Variants in FAM149B1 observed in about 807,000 individuals in gnomAD.
FAM149B1 encodes primary cilium assembly protein FAM149B1.
A neutral mutation model predicts 75.3 loss-of-function variants in FAM149B1; 56 were observed. That is an observed-to-expected ratio of 0.74 (90% CI 0.60 to 0.93). The LOEUF is 0.93. Among genes scored for constraint, FAM149B1 ranks in the 40% least tolerant of loss-of-function variants. The pLI is 0.00. For synonymous variants in FAM149B1, 259 were observed against 256.1 expected, an observed-to-expected ratio of 1.01 and a Z score of -0.11; for missense variants, 639 against 708.4, an observed-to-expected ratio of 0.90 and a Z score of 1.11.
At position 73,243,575 on chromosome 10, in the gene FAM149B1, C is replaced by A; in HGVS notation, c.*2556C>A. ...CAACATTATCCATAGACAGAAAGTACCTAGTGGTTGCCAGGGGCTGGAAAA... is the reference window on the plus strand; with the variant it reads ...CAACATTATCCATAGACAGAAAGTAACTAGTGGTTGCCAGGGGCTGGAAAA... On this transcript the variant is annotated 3_prime_UTR_variant, in exon 14 of 14. Coordinates refer to ENST00000242505, the MANE Select transcript of FAM149B1 (RefSeq NM_173348.2). The A allele has an allele frequency of 6.2e-7, 1 of 1,600,294 alleles. No individual in the cohort carries two copies. Among genetic ancestry groups the A allele is most frequent in the Middle Eastern group, 1.7e-4 (1 of 5,980 alleles).
chr10:73,199,390 T>C (rs1282768321), intron 5 of FAM149B1, among the ~76,000 whole-genome samples: 1 of 151,990 alleles, frequency 6.6e-6, no homozygotes, highest in Admixed American at 6.6e-5. Flanking sequence ...GCTAATTTTT[T>C]GTATTTTTAG....
At position 73,192,542 on chromosome 10, in the gene FAM149B1, A is replaced by G. The variant is rs1357586821; in HGVS notation, c.283-14A>G. 1 of 1,548,916 alleles carries G rather than the reference A, an allele frequency of 6.5e-7. No homozygotes were observed. Among genetic ancestry groups the G allele is most frequent in the African/African-American group, 1.4e-5 (1 of 72,910 alleles). Reference sequence around the variant, plus strand: ...CAGCTCACCTAAATATTTGGGGGGAATATTTTCTTCTAGGAACTCGATCAA... The same window carrying G: ...CAGCTCACCTAAATATTTGGGGGGAGTATTTTCTTCTAGGAACTCGATCAA... On this transcript the variant is annotated splice_polypyrimidine_tract_variant and intron_variant, in intron 3 of 13. Transcript: ENST00000242505.
At position 73,241,166 on chromosome 10, in the gene FAM149B1, A is replaced by G; in HGVS notation, c.*147A>G. On this transcript the variant is annotated 3_prime_UTR_variant, in exon 14 of 14. Transcript: ENST00000242505. ...ATTTTGGCACAAGTGACCGAAGAAC[A>G]AAACACCATAGCAGCCAAAAATGAC... 3.2e-6 allele frequency: 2 copies of G among 633,686 alleles called. No homozygotes were observed. Among genetic ancestry groups the G allele is most frequent in the South Asian group, 3.5e-5 (2 of 57,636 alleles). The allele number at this position is 633,686 out of a possible 1,614,324, so 39.3% of individuals were successfully genotyped here.
intron 12 of FAM149B1, among the ~76,000 whole-genome samples, chr10:73,238,000 C>T (rs553526950): frequency 2.4e-4 from 37 of 152,262 alleles, no homozygotes; most frequent in African/African-American, 7.2e-4. Flanking sequence ...CCATTTCTCT[C>T]CCCATTTGCT....
chr10:73,243,172 G>A lies in FAM149B1; in HGVS notation c.*2153G>A. The A allele has an allele frequency of 2.0e-6, 1 of 493,316 alleles. No individual in the cohort carries two copies. Among genetic ancestry groups the A allele is most frequent in the Non-Finnish European group, 3.6e-6 (1 of 276,158 alleles). 30.6% of individuals were successfully genotyped at this position (493,316 alleles called of 1,614,324 possible). On this transcript the variant is annotated 3_prime_UTR_variant, in exon 14 of 14. Coordinates refer to ENST00000242505, the MANE Select transcript of FAM149B1 (RefSeq NM_173348.2). ...ACTGCCTCCCTCCACCCTCCCAAAT[G>A]TCACCACCAAGTTCCTTCAGGTGAG...
chr10:73,202,887 G>A (rs952380356), intron 5 of FAM149B1, among the ~76,000 whole-genome samples: 1 of 151,848 alleles, frequency 6.6e-6, no homozygotes, highest in South Asian at 2.1e-4. Flanking sequence ...ACAGGATTTC[G>A]CCTTTTGCCC....
chr10:73,241,351 G>A lies in FAM149B1; in HGVS notation c.*332G>A. 3.3e-6 allele frequency: 1 copy of A among 302,360 alleles called. No homozygotes were observed. The highest frequency in any genetic ancestry group is 6.4e-6 in the Non-Finnish European group (1 of 156,166). The allele number at this position is 302,360 out of a possible 1,614,324, so 18.7% of individuals were successfully genotyped here. A position where few individuals can be genotyped will look rare whatever the true frequency, so the allele number is the denominator to read the frequency against. ...TGATCAGTTCAATCATATAGGATTT[G>A]ATGAGCTCACACATACACAAAAAGC... is the stretch of plus-strand genomic sequence containing the variant. On this transcript the variant is annotated 3_prime_UTR_variant, in exon 14 of 14. Coordinates refer to ENST00000242505, the MANE Select transcript of FAM149B1 (RefSeq NM_173348.2).
intron 12 of FAM149B1, among the ~76,000 whole-genome samples, chr10:73,237,354 T>C (rs541457845): frequency 2.0e-5 from 3 of 152,336 alleles, no homozygotes; most frequent in Non-Finnish European, 1.5e-5. Context: ...TGCCTTCTTA[T>C]AATCTGACAC....
chr10:73,201,508 T>C (rs1404017028), intron 5 of FAM149B1, among the ~76,000 whole-genome samples: 1 of 152,176 alleles, frequency 6.6e-6, no homozygotes, highest in African/African-American at 2.4e-5. Flanking sequence ...TCTGTAGAAA[T>C]GGTAGTATTA....
intron 12 of FAM149B1, among the ~76,000 whole-genome samples, chr10:73,238,340 ACT>A (rs1377475457): frequency 1.3e-5 from 2 of 151,724 alleles, no homozygotes; most frequent in Non-Finnish European, 2.9e-5. Context: ...GAGCGAGAAG[ACT>A]CTGTCCCCCC....
chr10:73,195,515 A>G (rs748990365), intron 5 of FAM149B1, among the ~76,000 whole-genome samples: 1 of 152,202 alleles, frequency 6.6e-6, no homozygotes, highest in Admixed American at 6.5e-5. Context: ...ATATTCTGTT[A>G]TTAGGATATA....
intron 7 of FAM149B1, among the ~76,000 whole-genome samples, chr10:73,211,608 T>C (rs2043187155): frequency 2.6e-5 from 4 of 152,194 alleles, no homozygotes; most frequent in Non-Finnish European, 5.9e-5. Context: ...TATTTGAGAA[T>C]GAGTAGATCG....
chr10:73,184,905 T>C (rs1215665480), intron 3 of FAM149B1, among the ~76,000 whole-genome samples: 1 of 151,956 alleles, frequency 6.6e-6, no homozygotes, highest in Non-Finnish European at 1.5e-5. Flanking sequence ...ACAGATAAGA[T>C]AGAAATTAAT....
Position 73,243,651 on chromosome 10 carries a change from C to G in FAM149B1, c.*2632C>G. On this transcript the variant is annotated 3_prime_UTR_variant, in exon 14 of 14. Transcript: ENST00000242505. Reference sequence around the variant, plus strand: ...AGTTTTTTTGGAATGGTGAAAATGTCCTACAATTGGTGTTAATAATTGTAA... The same window carrying G: ...AGTTTTTTTGGAATGGTGAAAATGTGCTACAATTGGTGTTAATAATTGTAA... 1 of 1,259,292 alleles carries G rather than the reference C, an allele frequency of 7.9e-7. No individual in the cohort carries two copies. Among genetic ancestry groups the G allele is most frequent in the Non-Finnish European group, 1.1e-6 (1 of 901,334 alleles). 78.0% of individuals were successfully genotyped at this position (1,259,292 alleles called of 1,614,324 possible).
intron 3 of FAM149B1, among the ~76,000 whole-genome samples, chr10:73,179,843 T>C (rs2042355417): frequency 6.6e-6 from 1 of 152,186 alleles, no homozygotes; most frequent in Admixed American, 6.5e-5. Context: ...TCATTTTATA[T>C]AGACATTTAC....
At chr10:73,228,514 G>A (rs1033899076) in intron 8 of FAM149B1, among the ~76,000 whole-genome samples, 14 of 152,116 alleles carry the variant, frequency 9.2e-5, no homozygotes, top group African/African-American at 3.1e-4. Context: ...GATTCTCTAT[G>A]GCCTTGACAT....
chr10:73,193,035 G>GA (rs1331886114), intron 4 of FAM149B1, among the ~76,000 whole-genome samples: 1 of 152,180 alleles, frequency 6.6e-6, no homozygotes, highest in Non-Finnish European at 1.5e-5. Flanking sequence ...ATGTATACTT[G>GA]AAACCAGACA....
chr10:73,216,110 G>C (rs1183245953), intron 7 of FAM149B1, among the ~76,000 whole-genome samples: 2 of 148,936 alleles, frequency 1.3e-5, no homozygotes, highest in African/African-American at 5.0e-5. Flanking sequence ...ATTTAGGATT[G>C]TTACATCTTG....
At chr10:73,226,984 ACT>A (rs2043568274) in intron 7 of FAM149B1, among the ~76,000 whole-genome samples, 1 of 152,104 alleles carries the variant, frequency 6.6e-6, no homozygotes, top group Non-Finnish European at 1.5e-5. Context: ...AGTATATAAA[ACT>A]CTGGTGAAAT....
Sources: gnomAD v4.1 joint callset for allele counts (sites outside exome capture counted in the v4.1 genomes callset) on GRCh38, gnomAD v4.1.1 for gene constraint, MANE v1.5 for transcripts, NCBI Gene and HGNC (gene_info 2026-07-23, HGNC 2026-07-21) for gene names.